CALCRL: variants seen among roughly 807,000 people sequenced by gnomAD.
CALCRL encodes the protein calcitonin receptor like receptor, also known as calcitonin gene-related peptide type 1 receptor.
CALCRL carries 27 observed loss-of-function variants against 60.4 expected under a neutral mutation model. The ratio of observed to expected loss-of-function variants is 0.45; its 90% CI spans 0.33 to 0.62. CALCRL has a LOEUF of 0.62. CALCRL is among the 20% of genes least tolerant of loss of function. The pLI, the probability that CALCRL is intolerant of heterozygous loss-of-function variation, is 0.03. For missense variants in CALCRL, 424 were observed against 540.7 expected (o/e 0.78, Z 2.14); for synonymous variants, 190 against 182.6 (o/e 1.04, Z -0.33).
At chr2:187,440,340 G>A (rs1690838300) in intron 1 of CALCRL, among the ~76,000 whole-genome samples, 1 of 152,120 alleles carries the variant, frequency 6.6e-6, no homozygotes, top group Admixed American at 6.6e-5. Flanking sequence ...AAACTATTTT[G>A]AGTAATTAGG....
intron 1 of CALCRL, among the ~76,000 whole-genome samples, chr2:187,394,485 A>G (rs1029272247): frequency 6.6e-6 from 1 of 152,042 alleles, no homozygotes; most frequent in African/African-American, 2.4e-5. Flanking sequence ...AACTAATAAA[A>G]ATCCTTACCT....
At chr2:187,402,288 C>A (rs1330211760) in intron 1 of CALCRL, among the ~76,000 whole-genome samples, 1 of 151,594 alleles carries the variant, frequency 6.6e-6, no homozygotes, top group Admixed American at 6.6e-5. Flanking sequence ...TTCAGAGATA[C>A]TTAAAACTTT....
intron 14 of CALCRL, among the ~76,000 whole-genome samples, chr2:187,349,717 T>C (rs1686443524): frequency 6.6e-6 from 1 of 151,698 alleles, no homozygotes; most frequent in Non-Finnish European, 1.5e-5. Flanking sequence ...TTTTAGGACA[T>C]GGCAGAAGAT....
chr2:187,385,430 T>C, intron 4 of CALCRL, 115 bp downstream of exon 4: 1 of 606,454 alleles, frequency 1.6e-6, no homozygotes, highest in East Asian at 2.9e-5. Context: ...GCTGTATCAA[T>C]TGGATATAAA....
At chr2:187,359,863 T>A (rs1365869334) in intron 10 of CALCRL, among the ~76,000 whole-genome samples, 2 of 152,088 alleles carry the variant, frequency 1.3e-5, no homozygotes, top group African/African-American at 4.8e-5. Context: ...TGCGTGTGTG[T>A]GTATATATAC....
intron 10 of CALCRL, 121 bp downstream of exon 10, chr2:187,360,477 A>G: frequency 1.2e-6 from 1 of 820,860 alleles, no homozygotes; most frequent in Non-Finnish European, 1.8e-6. Context: ...AGCAAAAGTT[A>G]ATCACCTGAT....
intron 8 of CALCRL, among the ~76,000 whole-genome samples, chr2:187,375,220 C>T (rs1687700991): frequency 7.1e-6 from 1 of 141,728 alleles, no homozygotes; most frequent in South Asian, 2.2e-4. Context: ...TGCAGTGAGC[C>T]GAGATTGCGC....
At chr2:187,363,525 G>A in intron 8 of CALCRL, 23 bp from the exon 9 acceptor site, 1 of 1,564,358 alleles carries the variant, frequency 6.4e-7, no homozygotes, top group Non-Finnish European at 8.6e-7. Flanking sequence ...AAAAACAAGT[G>A]TGTTGACATC....
chr2:187,376,757 C>A (rs549397436), intron 8 of CALCRL, among the ~76,000 whole-genome samples: 28 of 152,108 alleles, frequency 1.8e-4, no homozygotes, highest in African/African-American at 6.0e-4. Flanking sequence ...ATTGTCCTTC[C>A]CTGTAGCCAC....
intron 8 of CALCRL, among the ~76,000 whole-genome samples, 178 bp downstream of exon 8, chr2:187,378,762 T>A (rs1687870571): frequency 6.6e-6 from 1 of 152,148 alleles, no homozygotes; most frequent in Non-Finnish European, 1.5e-5. Context: ...GGTTAAGATA[T>A]TTCATCAGTC....
chr2:187,383,367 C>A, intron 4 of CALCRL, 62 bp from the exon 5 acceptor site: 2 of 1,408,880 alleles, frequency 1.4e-6, no homozygotes, highest in Admixed American at 2.3e-5. Flanking sequence ...ATGTGTTTGT[C>A]AAAGGCAGTC....
At chr2:187,375,295 AAAATT>A (rs1205208434) in intron 8 of CALCRL, among the ~76,000 whole-genome samples, 1 of 151,668 alleles carries the variant, frequency 6.6e-6, no homozygotes, top group Non-Finnish European at 1.5e-5. Context: ...AAAAAAAAAA[AAAATT>A]GAGTTATGCC....
chr2:187,395,482 A>G (rs1688614419), intron 1 of CALCRL, among the ~76,000 whole-genome samples: 3 of 152,118 alleles, frequency 2.0e-5, no homozygotes, highest in African/African-American at 7.2e-5. Context: ...GCAAGGTCCC[A>G]AAATAAAAAC....
At chr2:187,445,509 A>G (rs1691135467) in intron 1 of CALCRL, among the ~76,000 whole-genome samples, 1 of 151,558 alleles carries the variant, frequency 6.6e-6, no homozygotes, top group Non-Finnish European at 1.5e-5. Context: ...AATCTTTTAA[A>G]ATTAAGTTAC....
At chr2:187,404,428 T>C (rs1689027414) in intron 1 of CALCRL, among the ~76,000 whole-genome samples, 1 of 151,906 alleles carries the variant, frequency 6.6e-6, no homozygotes, top group Non-Finnish European at 1.5e-5. Context: ...AATAAAGTTT[T>C]TTATAAAAGT....
At chr2:187,401,970 A>T (rs1327413157) in intron 1 of CALCRL, among the ~76,000 whole-genome samples, 2 of 151,440 alleles carry the variant, frequency 1.3e-5, no homozygotes, top group Non-Finnish European at 3.0e-5. Flanking sequence ...GAAGAAGGGA[A>T]GGAAGGAAGA....
At chr2:187,429,206 A>G (rs1028048900) in intron 1 of CALCRL, among the ~76,000 whole-genome samples, 1 of 151,896 alleles carries the variant, frequency 6.6e-6, no homozygotes, top group Non-Finnish European at 1.5e-5. Flanking sequence ...CTTCTTACCC[A>G]TCTGTCAAGT....
intron 1 of CALCRL, among the ~76,000 whole-genome samples, chr2:187,399,982 G>T (rs1032191280): frequency 1.3e-5 from 2 of 151,342 alleles, no homozygotes; most frequent in African/African-American, 4.8e-5. Context: ...AATGGTAAAA[G>T]AATACAAAAT....
intron 3 of CALCRL, 134 bp from the exon 4 acceptor site, chr2:187,385,765 T>C (rs1348282177): frequency 3.3e-6 from 2 of 608,082 alleles, no homozygotes; most frequent in African/African-American, 3.8e-5. Flanking sequence ...TAAATCATTT[T>C]TTTTAAGACA....
Sources: gnomAD v4.1 joint callset for allele counts (sites outside exome capture counted in the v4.1 genomes callset) on GRCh38, gnomAD v4.1.1 for gene constraint, MANE v1.5 for transcripts, NCBI Gene and HGNC (gene_info 2026-07-23, HGNC 2026-07-21) for gene names.